Variants in EVC observed in about 807,000 individuals in gnomAD.
EVC encodes EvC ciliary complex subunit 1, also known as evC complex member EVC.
In EVC, 116 loss-of-function variants were observed where a neutral mutation model predicts 118.9. That is an observed-to-expected ratio of 0.98 (90% confidence interval 0.84 to 1.14). EVC has a LOEUF of 1.14. Among genes scored for constraint, EVC ranks in the 50% most tolerant of loss-of-function variants. EVC has a pLI of 0.00. For missense variants in EVC, 1,401 were observed against 1,246.4 expected (o/e 1.12, Z -1.87); for synonymous variants, 619 against 534.7 (o/e 1.16, Z -2.18).
chr4:5,716,304 G>T (rs1408969379), intron 1 of EVC, among the ~76,000 whole-genome samples: 3 of 152,244 alleles, frequency 2.0e-5, no homozygotes, highest in Non-Finnish European at 2.9e-5. Flanking sequence ...GGTGACAACT[G>T]GTTTTGGCCT....
In EVC at chr4:5,719,754, C is replaced by T. The variant is rs1316536891; in HGVS notation, c.300+381C>T. Among the ~76,000 whole-genome samples, 1 of 152,094 alleles carries T rather than the reference C, an allele frequency of 6.6e-6. No individual in the cohort carries two copies. Among genetic ancestry groups the T allele is most frequent in the Non-Finnish European group, 1.5e-5 (1 of 68,026 alleles). ...ATTGTGCTGTTCTGTGCCTGTGTTC[C>T]CTCCACAGAATGCCTTAAGATGTTT... On this transcript the variant is annotated intron_variant, in intron 2 of 20. Coordinates refer to ENST00000264956, the MANE Select transcript of EVC (RefSeq NM_153717.3). This position sits in a 1 kb window ranked among gnomAD's most constrained non-coding sequence, Gnocchi z 4.7.
the EVC span, chr4:5,825,431 G>A: frequency 2.7e-6 from 4 of 1,500,918 alleles, no homozygotes; most frequent in Admixed American, 1.0e-4. This position sits in a 1 kb window ranked among gnomAD's most constrained non-coding sequence, Gnocchi z 4.4. Flanking sequence ...CTCAGAAGCA[G>A]CAGGAAGGAC....
At position 5,745,302 on chromosome 4, in the gene EVC, AAAG is replaced by A. The variant is rs755381180; in HGVS notation, c.904_906del (p.Lys302del). 1.2e-5 allele frequency: 19 copies of A among 1,613,952 alleles called. No homozygotes were observed. The highest frequency in any genetic ancestry group is 3.3e-5 in the Admixed American group (2 of 60,002). On this transcript the variant is annotated inframe_deletion, in exon 7 of 21. Transcript: ENST00000264956. ...AGTACATCACCCTGGCTGATGTGGAAAAGAAGGAGAGAGAATACTCTGAACAGC... is the reference window on the plus strand; with the variant it reads ...AGTACATCACCCTGGCTGATGTGGAAAAGGAGAGAGAATACTCTGAACAGC...
chr4:5,736,281 A>T (rs1210985406), intron 5 of EVC, among the ~76,000 whole-genome samples: 1 of 102,622 alleles, frequency 9.7e-6, no homozygotes, highest in Non-Finnish European at 1.9e-5. Flanking sequence ...GCATAGAACT[A>T]CACACACACA....
Position 5,813,297 on chromosome 4 carries a change from G to A in EVC, c.*2260G>A, listed in dbSNP as rs1278604545. 1 of 152,182 alleles carries A rather than the reference G, an allele frequency of 6.6e-6. No individual in the cohort carries two copies. The highest frequency in any genetic ancestry group is 2.1e-4 in the South Asian group (1 of 4,830). The allele number at this position is 152,182 out of a possible 1,614,324, so 9.4% of individuals were successfully genotyped here. On this transcript the variant is annotated 3_prime_UTR_variant, in exon 21 of 21. Coordinates refer to ENST00000264956, the MANE Select transcript of EVC (RefSeq NM_153717.3). ...GCTCATGGCAATCTCCATCTCCCGG[G>A]TTCAAGCGATTTTCCTGCCTCAGCC...
chr4:5,753,132 G>C (rs1444133676), intron 9 of EVC, 80 bp downstream of exon 9: 2 of 1,347,836 alleles, frequency 1.5e-6, no homozygotes, highest in East Asian at 5.0e-5. Context: ...AGGGCTGGCA[G>C]CCTGGGGCAG....
rs1161423358 is a variant in EVC at position 5,779,475 on chromosome 4, A to G, written c.1564-4077A>G. 9.3e-5 allele frequency among the ~76,000 whole-genome samples: 14 copies of G among 150,482 alleles called. No homozygotes were observed. In the East Asian group the frequency reaches 2.7e-3, roughly 29 times the overall value. On this transcript the variant is annotated intron_variant, in intron 11 of 20. Coordinates refer to ENST00000264956, the MANE Select transcript of EVC (RefSeq NM_153717.3). ...ATATTGATTCTTCCTACCCATGAGC[A>G]TGGAATGTTATTCCATTTGTTTGTA...
chr4:5,784,984 C>G (rs796649855), intron 12 of EVC, among the ~76,000 whole-genome samples: 1 of 152,320 alleles, frequency 6.6e-6, no homozygotes, highest in African/African-American at 2.4e-5. Flanking sequence ...TCCACCAAGA[C>G]AGCCCACCAG....
intron 12 of EVC, among the ~76,000 whole-genome samples, chr4:5,790,160 G>A (rs1277257776): frequency 3.3e-5 from 4 of 122,594 alleles, no homozygotes; most frequent in Admixed American, 2.8e-4. Flanking sequence ...CAGCCTGGGT[G>A]ACAGAGTGAG....
chr4:5,811,227 G>A lies in EVC; in HGVS notation c.*190G>A, dbSNP rs1716867196. The A allele has an allele frequency of 3.4e-6, 2 of 588,148 alleles. No homozygotes were observed. Among genetic ancestry groups the A allele is most frequent in the East Asian group, 5.8e-5 (2 of 34,214 alleles). The allele number at this position is 588,148 out of a possible 1,614,324, so 36.4% of individuals were successfully genotyped here. A position where few individuals can be genotyped will look rare whatever the true frequency, so the allele number is the denominator to read the frequency against. On this transcript the variant is annotated 3_prime_UTR_variant, in exon 21 of 21. Coordinates refer to ENST00000264956, the MANE Select transcript of EVC (RefSeq NM_153717.3). Reference sequence around the variant, plus strand: ...AATGAGTATCACCTGAGAAAATTAGGCATTCCCGTCTTGGAAACACGTCTC... The same window carrying A: ...AATGAGTATCACCTGAGAAAATTAGACATTCCCGTCTTGGAAACACGTCTC...
At position 5,711,411 on chromosome 4, in the gene EVC, G is replaced by T. The variant is rs1041162288; in HGVS notation, c.31G>T (p.Asp11Tyr). ...CCGCGGCGGGGCGGCCTGCAAGAGC[G>T]ACGCGCGGCTGCTGCTGGGGCGGGA... MARGGAACKS[D>Y]ARLLLGRDAL... Residue 11 changes from aspartate (D) to tyrosine (Y), a missense_variant, in exon 1 of 21, where the codon GAC becomes TAC. Asp to Tyr is a radical substitution (Grantham distance 160). Coordinates refer to ENST00000264956, the MANE Select transcript of EVC (RefSeq NM_153717.3). The T allele has an allele frequency of 2.0e-6, 2 of 1,022,582 alleles. No homozygotes were observed. Among genetic ancestry groups the T allele is most frequent in the South Asian group, 4.4e-5 (1 of 22,700 alleles). 63.3% of individuals were successfully genotyped at this position (1,022,582 alleles called of 1,614,324 possible). A position where few individuals can be genotyped will look rare whatever the true frequency, so the allele number is the denominator to read the frequency against.
At chr4:5,826,942 C>A in the EVC span, 7 of 152,658 alleles carry the variant, frequency 4.6e-5, no homozygotes, top group African/African-American at 1.7e-4. Context: ...CCCTGCTCCC[C>A]GACTCCCTGG....
In EVC at chr4:5,756,389, G is replaced by T. The variant is rs763896737; in HGVS notation, c.1563+27G>T. The T allele has an allele frequency of 1.3e-6, 2 of 1,575,678 alleles. No homozygotes were observed. The highest frequency in any genetic ancestry group is 1.3e-5 in the African/African-American group (1 of 74,358). ...TACATGGCCTCTGTGGGGACCAGCA[G>T]AGAAGCCCCAGGGTCTGTGTGTGTG... On this transcript the variant is annotated intron_variant, in intron 11 of 20. Coordinates refer to ENST00000264956, the MANE Select transcript of EVC (RefSeq NM_153717.3). The surrounding 1 kb of genome is among the most constrained non-coding windows in gnomAD (Gnocchi z 4.2).
At chr4:5,775,352 G>A (rs1344935043) in intron 11 of EVC, among the ~76,000 whole-genome samples, 1 of 152,082 alleles carries the variant, frequency 6.6e-6, no homozygotes, top group Non-Finnish European at 1.5e-5. Flanking sequence ...GAATGTAGCT[G>A]GGACCCCAGA....
intron 2 of EVC, among the ~76,000 whole-genome samples, chr4:5,727,257 C>T (rs1292337823): frequency 2.6e-5 from 4 of 152,136 alleles, no homozygotes; most frequent in South Asian, 4.2e-4. Flanking sequence ...TTTTAATGAT[C>T]TCCATTCTAA....
intron 4 of EVC, among the ~76,000 whole-genome samples, chr4:5,732,560 T>C (rs1299559243): frequency 6.6e-6 from 1 of 152,264 alleles, no homozygotes; most frequent in Non-Finnish European, 1.5e-5. Context: ...GGTCAAAGAC[T>C]TTTACACTCT....
chr4:5,824,229 C>CAGAT, the EVC span: 1 of 927,340 alleles, frequency 1.1e-6, no homozygotes, highest in Non-Finnish European at 1.3e-6. Context: ...TTGTTGCACC[C>CAGAT]AGATAGCTTT....
In EVC at chr4:5,743,982, A is replaced by C. The variant is rs1728997683; in HGVS notation, c.802-1222A>C. On this transcript the variant is annotated intron_variant, in intron 6 of 20. Coordinates refer to ENST00000264956, the MANE Select transcript of EVC (RefSeq NM_153717.3). This position sits in a 1 kb window ranked among gnomAD's most constrained non-coding sequence, Gnocchi z 4.7. ...AGAATAAGAGCCTTGGAGTCTGCAG[A>C]CCTCAGATCAAATTCCATCTCTACG... is the stretch of plus-strand genomic sequence containing the variant. 6.6e-6 allele frequency among the ~76,000 whole-genome samples: 1 copy of C among 152,204 alleles called. No individual in the cohort carries two copies. Among genetic ancestry groups the C allele is most frequent in the African/African-American group, 2.4e-5 (1 of 41,458 alleles).
chr4:5,818,646 G>A (rs1199164584), downstream of EVC, among the ~76,000 whole-genome samples: 2 of 152,090 alleles, frequency 1.3e-5, no homozygotes, highest in South Asian at 2.1e-4. Context: ...CAGAGGAAGC[G>A]AGACCTGAGC....
Sources: allele counts gnomAD v4.1 joint callset (sites outside exome capture counted in the v4.1 genomes callset), GRCh38; gene constraint gnomAD v4.1.1; non-coding constraint Gnocchi (gnomAD v3.1); transcripts MANE v1.5; gene names NCBI Gene and HGNC (gene_info 2026-07-23, HGNC 2026-07-21).